UGT1A3: variants seen among roughly 807,000 people sequenced by gnomAD.
The protein encoded by UGT1A3 is UDP-glucuronosyltransferase 1A3.
Under a neutral mutation model 41.0 loss-of-function variants are expected in UGT1A3, and 31 were observed. The observed-to-expected ratio is 0.76, with a 90% CI of 0.57 to 1.02. The LOEUF (loss-of-function observed/expected upper bound fraction) is 1.02, where lower values mean the gene tolerates loss of function less well. Among genes scored for constraint, UGT1A3 ranks in the 50% least tolerant of loss-of-function variants. The pLI, the probability that UGT1A3 is intolerant of heterozygous loss-of-function variation, is 0.00. For missense variants in UGT1A3, 737 were observed against 671.0 expected (o/e 1.10, Z -1.09); for synonymous variants, 262 against 257.6 (o/e 1.02, Z -0.17).
chr2:233,742,393 A>G (rs1691967380), intron 1 of UGT1A3, among the ~76,000 whole-genome samples: 1 of 151,992 alleles, frequency 6.6e-6, no homozygotes, highest in African/African-American at 2.4e-5. Context: ...GGCTCATGTT[A>G]TTATTTGTAG....
At chr2:233,733,467 T>C (rs1231122039) in intron 1 of UGT1A3, among the ~76,000 whole-genome samples, 1 of 152,200 alleles carries the variant, frequency 6.6e-6, no homozygotes, top group African/African-American at 2.4e-5. Context: ...GCTCTTATTA[T>C]TTTGAGATAC....
At position 233,768,455 on chromosome 2, in the gene UGT1A3, C is replaced by T. The variant is rs781674536; in HGVS notation, c.1307+16C>T. 1.9e-6 allele frequency: 3 copies of T among 1,610,240 alleles called. No individual in the cohort carries two copies. The highest frequency in any genetic ancestry group is 2.2e-5 in the East Asian group (1 of 44,770). On this transcript the variant is annotated intron_variant, in intron 4 of 4. Coordinates refer to ENST00000482026, the MANE Select transcript of UGT1A3 (RefSeq NM_019093.4). ...ATGACAAAAGGTAAGAAAGAAGATA[C>T]AGAAGAATACTTTGGTCATGGCATT... is the stretch of plus-strand genomic sequence containing the variant.
intron 1 of UGT1A3, among the ~76,000 whole-genome samples, chr2:233,739,298 C>T (rs11691827): frequency 0.094 from 14,308 of 152,206 alleles, 1,367 homozygotes; most frequent in African/African-American, 0.26. Flanking sequence ...CACTGGGGCA[C>T]TGCCTAGTGG....
intron 1 of UGT1A3, among the ~76,000 whole-genome samples, chr2:233,746,471 A>G (rs538596800): frequency 6.6e-6 from 1 of 151,696 alleles, no homozygotes; most frequent in Non-Finnish European, 1.5e-5. Context: ...GGGTTCCAGA[A>G]ACACTTTCCA....
At chr2:233,753,865 C>G (rs560460253) in intron 1 of UGT1A3, among the ~76,000 whole-genome samples, 1 of 152,212 alleles carries the variant, frequency 6.6e-6, no homozygotes. Context: ...CACATAACCC[C>G]AAGGTCTGTC....
Position 233,772,465 on chromosome 2 carries a change from C to T in UGT1A3, c.1511C>T (p.Ala504Val), listed in dbSNP as rs1575871358. ...GFLLAVVLTV[A>V]FITFKCCAYG... ...CTCTTGGCCGTCGTGCTGACAGTGG[C>T]CTTCATCACCTTTAAATGTTGTGCT... Residue 504 changes from alanine to valine, a missense_variant, in exon 5 of 5, where the codon GCC (alanine) becomes GTC (valine). Transcript: ENST00000482026. 1 of 1,614,018 alleles carries T rather than the reference C, an allele frequency of 6.2e-7. No individual in the cohort carries two copies. Among genetic ancestry groups the T allele is most frequent in the African/African-American group, 1.3e-5 (1 of 74,896 alleles).
chr2:233,766,850 T>C (rs1248093383), intron 1 of UGT1A3, among the ~76,000 whole-genome samples, 184 bp from the exon 2 acceptor site: 1 of 152,222 alleles, frequency 6.6e-6, no homozygotes, highest in Non-Finnish European at 1.5e-5. Flanking sequence ...CTTCCTCCTT[T>C]AGAAGGAAGT....
intron 1 of UGT1A3, among the ~76,000 whole-genome samples, chr2:233,761,951 C>T (rs997594435): frequency 3.9e-5 from 6 of 152,200 alleles, no homozygotes; most frequent in Non-Finnish European, 8.8e-5. Flanking sequence ...GCGTCTGGCT[C>T]CCATTAAGGG....
At chr2:233,765,047 G>T (rs1698737192) in intron 1 of UGT1A3, among the ~76,000 whole-genome samples, 1 of 151,990 alleles carries the variant, frequency 6.6e-6, no homozygotes, top group Non-Finnish European at 1.5e-5. Context: ...AATTGCGTTT[G>T]CTGAGCCCTG....
rs1257445650 is a variant in UGT1A3, at chr2:233,733,217, A to G, written c.867+3224A>G. Among the ~76,000 whole-genome samples, 5 of 152,274 alleles carry G rather than the reference A, an allele frequency of 3.3e-5. 1 individual carries two copies. The highest frequency in any genetic ancestry group is 2.0e-4 in the Admixed American group (3 of 15,300). On this transcript the variant is annotated intron_variant, in intron 1 of 4. Coordinates refer to ENST00000482026, the MANE Select transcript of UGT1A3 (RefSeq NM_019093.4). ...CTTAAGGAGACTTTGGGCTGAGACA[A>G]TGGGGTTTTCTAAATATACAATCAT...
At chr2:233,766,684 A>G (rs935932983) in intron 1 of UGT1A3, among the ~76,000 whole-genome samples, 1 of 152,094 alleles carries the variant, frequency 6.6e-6, no homozygotes, top group Non-Finnish European at 1.5e-5. Flanking sequence ...TCCCTTCTGT[A>G]TCACTGATGC....
At chr2:233,747,538 C>T in intron 1 of UGT1A3, 1 of 1,604,368 alleles carries the variant, frequency 6.2e-7, no homozygotes, top group Non-Finnish European at 8.5e-7. Flanking sequence ...TTTCTGAAGA[C>T]ATTTTCTAAA....
intron 1 of UGT1A3, among the ~76,000 whole-genome samples, chr2:233,739,315 G>A (rs1559383204): frequency 6.6e-6 from 1 of 152,196 alleles, no homozygotes; most frequent in Non-Finnish European, 1.5e-5. Context: ...GTGGAGTTGT[G>A]AGAAGAAGGC....
intron 1 of UGT1A3, among the ~76,000 whole-genome samples, chr2:233,739,686 T>A (rs558118355): frequency 4.6e-5 from 7 of 152,354 alleles, no homozygotes; most frequent in Admixed American, 4.6e-4. Context: ...ACTAACTTGT[T>A]TTTGATTTTA....
intron 1 of UGT1A3, among the ~76,000 whole-genome samples, chr2:233,740,080 C>T (rs1401216325): frequency 3.3e-5 from 5 of 151,794 alleles, no homozygotes; most frequent in African/African-American, 7.3e-5. Flanking sequence ...CTCTGTCTCT[C>T]GCCTGCTGCC....
intron 1 of UGT1A3, chr2:233,750,653 C>CT (rs915876685): frequency 6.6e-6 from 1 of 151,896 alleles, no homozygotes; most frequent in African/African-American, 2.4e-5. Flanking sequence ...AGCCTCAGGA[C>CT]TTGGTGCCCT....
intron 1 of UGT1A3, chr2:233,743,955 C>T (rs752795670): frequency 9.0e-6 from 12 of 1,339,906 alleles, no homozygotes; most frequent in African/African-American, 3.0e-5. Context: ...ACTGGCACAG[C>T]GAGCGGCAAG....
intron 1 of UGT1A3, among the ~76,000 whole-genome samples, chr2:233,758,340 C>G (rs1004425999): frequency 6.6e-6 from 1 of 152,226 alleles, no homozygotes; most frequent in Non-Finnish European, 1.5e-5. Flanking sequence ...CTTGGAAGCT[C>G]TGCATGATGC....
In UGT1A3 at chr2:233,760,861, T is replaced by C. The variant is rs776126400; in HGVS notation, c.868-6173T>C. 1.9e-6 allele frequency: 3 copies of C among 1,614,158 alleles called. No individual in the cohort carries two copies. The South Asian group carries it at 3.3e-5, about 18-fold the overall frequency. The stretch of plus-strand genomic sequence containing the variant: ...TACCCAGTGCCCCAACCCATTCTCC[T>C]ACGTGCCCAGGCCTCTCTCCTCTCA... On this transcript the variant is annotated intron_variant, in intron 1 of 4. Coordinates refer to ENST00000482026, the MANE Select transcript of UGT1A3 (RefSeq NM_019093.4).
Sources: allele counts gnomAD v4.1 joint callset (sites outside exome capture counted in the v4.1 genomes callset), GRCh38; gene constraint gnomAD v4.1.1; transcripts MANE v1.5; gene names NCBI Gene and HGNC (gene_info 2026-07-23, HGNC 2026-07-21).